PLAC8: variants seen among roughly 807,000 people sequenced by gnomAD.
The protein encoded by PLAC8 is placenta-specific gene 8 protein.
In PLAC8, 6 loss-of-function variants were observed where a neutral mutation model predicts 12.6. The observed-to-expected ratio is 0.48, with a 90% CI of 0.26 to 0.94. The LOEUF (loss-of-function observed/expected upper bound fraction) is 0.94. Among genes scored for constraint, PLAC8 ranks in the 40% least tolerant of loss-of-function variants. The pLI, the probability that PLAC8 is intolerant of heterozygous loss-of-function variation, is 0.14. For missense variants in PLAC8, 122 were observed against 152.7 expected, an observed-to-expected ratio of 0.80 and a Z score of 1.06; for synonymous variants, 54 against 52.6, an observed-to-expected ratio of 1.03 and a Z score of -0.11.
At chr4:83,112,714 T>G (rs1732451269) in intron 1 of PLAC8, among the ~76,000 whole-genome samples, 1 of 152,372 alleles carries the variant, frequency 6.6e-6, no homozygotes, top group Middle Eastern at 3.4e-3. Context: ...CACACTCATT[T>G]GTACGCGCCT....
At position 83,102,466 on chromosome 4, in the gene PLAC8, G is replaced by A. The variant is rs536176852; in HGVS notation, c.243+2430C>T. Among the ~76,000 whole-genome samples, 4 of 152,328 alleles carry A rather than the reference G, an allele frequency of 2.6e-5. No individual in the cohort carries two copies. In the South Asian group the frequency reaches 8.3e-4, roughly 32 times the overall value. Reference sequence around the variant, plus strand: ...AGGTGGGAGAATTGCTTGAACCTGGGAGGGGAAGGCTGCAGTGAGCCGAGA... The same window carrying A: ...AGGTGGGAGAATTGCTTGAACCTGGAAGGGGAAGGCTGCAGTGAGCCGAGA... On this transcript the variant is annotated intron_variant, in intron 3 of 4. Transcript: ENST00000311507.
At chr4:83,100,430 C>T (rs1415111519) in intron 3 of PLAC8, among the ~76,000 whole-genome samples, 1 of 152,102 alleles carries the variant, frequency 6.6e-6, no homozygotes, top group Non-Finnish European at 1.5e-5. Flanking sequence ...CCTGTACAGC[C>T]TGTGGAACCA....
chr4:83,099,559 T>A (rs1276512777), intron 3 of PLAC8, among the ~76,000 whole-genome samples: 2 of 152,180 alleles, frequency 1.3e-5, no homozygotes, highest in Non-Finnish European at 2.9e-5. Flanking sequence ...TTGGATGTTG[T>A]CCCCACCCAA....
rs144919327 is a variant in PLAC8, at chr4:83,102,809, G to A, written c.243+2087C>T. On this transcript the variant is annotated intron_variant, in intron 3 of 4. Transcript: ENST00000311507. ...GAGCAAAGAAAGCTGTTTCTTGGCC[G>A]GGCGCGGTGGCTCACGCCTGTAATC... is the stretch of plus-strand genomic sequence containing the variant. Among the ~76,000 whole-genome samples, 43 of 152,300 alleles carry A rather than the reference G, an allele frequency of 2.8e-4. No homozygotes were observed. The East Asian group carries it at 8.3e-3, about 29-fold the overall frequency.
At chr4:83,107,986 T>A (rs1236271019) in intron 1 of PLAC8, 36 bp from the exon 2 acceptor site, 27 of 93,498 alleles carry the variant, frequency 2.9e-4, no homozygotes, top group Middle Eastern at 1.8e-3. Flanking sequence ...ATCTCTGTTG[T>A]GGGGTGGGGG....
chr4:83,100,918 G>A (rs930726526), intron 3 of PLAC8, among the ~76,000 whole-genome samples: 9 of 152,294 alleles, frequency 5.9e-5, no homozygotes, highest in African/African-American at 2.2e-4. Context: ...TGCTACTCCG[G>A]TGAACATAAA....
chr4:83,101,536 T>C (rs572068064), intron 3 of PLAC8, among the ~76,000 whole-genome samples: 24 of 152,344 alleles, frequency 1.6e-4, no homozygotes, highest in Non-Finnish European at 2.5e-4. Flanking sequence ...GTGTGGCAAG[T>C]TATCCAGAAG....
chr4:83,107,131 C>T (rs1732261317), intron 2 of PLAC8, among the ~76,000 whole-genome samples: 1 of 149,728 alleles, frequency 6.7e-6, no homozygotes, highest in African/African-American at 2.5e-5. Context: ...ACCTGGGAGG[C>T]GGAGGTTGCA....
intron 3 of PLAC8, among the ~76,000 whole-genome samples, chr4:83,098,694 A>G (rs1732006962): frequency 6.6e-6 from 1 of 151,866 alleles, no homozygotes; most frequent in South Asian, 2.1e-4. Context: ...ATCTTCATTG[A>G]GTCTTGTTTG....
chr4:83,105,995 TTTTTA>T (rs903543028), intron 2 of PLAC8, among the ~76,000 whole-genome samples: 7 of 152,098 alleles, frequency 4.6e-5, no homozygotes, highest in Admixed American at 2.0e-4. Flanking sequence ...TCTTTTTTTA[TTTTTA>T]TTTTATTTTA....
In PLAC8 at chr4:83,104,876, T is replaced by C. The variant is rs1297070443; in HGVS notation, c.243+20A>G. 1 of 1,612,766 alleles carries C rather than the reference T, an allele frequency of 6.2e-7. No individual in the cohort carries two copies. The highest frequency in any genetic ancestry group is 8.5e-7 in the Non-Finnish European group (1 of 1,178,996). On this transcript the variant is annotated intron_variant, in intron 3 of 4. Coordinates refer to ENST00000311507, the MANE Select transcript of PLAC8 (RefSeq NM_016619.3). ...GAATGGGGTGCATATTTGAGTGAGA[T>C]GGTATGGTAAGAGACTCACAGGGAT...
At chr4:83,107,391 T>C (rs1036830458) in intron 2 of PLAC8, among the ~76,000 whole-genome samples, 6 of 152,024 alleles carry the variant, frequency 3.9e-5, no homozygotes, top group African/African-American at 1.4e-4. Flanking sequence ...CTGGACACAA[T>C]GTAACTATAA....
intron 1 of PLAC8, among the ~76,000 whole-genome samples, chr4:83,108,932 A>T (rs1336990630): frequency 6.6e-6 from 1 of 151,848 alleles, no homozygotes; most frequent in Non-Finnish European, 1.5e-5. Context: ...CTTCATATTT[A>T]CTGGGAGCCT....
At chr4:83,114,136 A>G (rs1431105880) in intron 1 of PLAC8, among the ~76,000 whole-genome samples, 1 of 152,084 alleles carries the variant, frequency 6.6e-6, no homozygotes, top group Non-Finnish European at 1.5e-5. Context: ...ATACATATAA[A>G]TGAAGCACCA....
intron 1 of PLAC8, among the ~76,000 whole-genome samples, chr4:83,109,522 ACG>A (rs1406166331): frequency 6.6e-6 from 1 of 152,200 alleles, no homozygotes; most frequent in African/African-American, 2.4e-5. Context: ...GCGGATGTGT[ACG>A]TGGCGGTGGA....
intron 3 of PLAC8, among the ~76,000 whole-genome samples, chr4:83,098,388 C>T (rs1410880529): frequency 1.3e-5 from 2 of 152,076 alleles, no homozygotes; most frequent in African/African-American, 4.8e-5. Context: ...ACAGGGTTTT[C>T]TTAGAAAATG....
intron 1 of PLAC8, among the ~76,000 whole-genome samples, chr4:83,108,672 G>C (rs1356241144): frequency 6.6e-6 from 1 of 152,230 alleles, no homozygotes; most frequent in Non-Finnish European, 1.5e-5. Flanking sequence ...GGGTAAGGGA[G>C]CTGAAGAGTG....
At position 83,097,652 on chromosome 4, in the gene PLAC8, CT is replaced by C. The variant is rs371898093; in HGVS notation, c.244-2862del. Among the ~76,000 whole-genome samples the C allele has an allele frequency of 1.3e-3, 200 of 152,222 alleles. 1 individual carries two copies. Among genetic ancestry groups the C allele is most frequent in the African/African-American group, 4.1e-3 (170 of 41,534 alleles). On this transcript the variant is annotated intron_variant, in intron 3 of 4. Transcript: ENST00000311507. ...CTGTCTAATGTCCTAGGCTCCACCC[CT>C]AATACATAATTAAAATATCTTACTT... is the stretch of plus-strand genomic sequence containing the variant.
intron 1 of PLAC8, among the ~76,000 whole-genome samples, chr4:83,112,813 C>T (rs1386250419): frequency 2.0e-5 from 3 of 152,218 alleles, no homozygotes; most frequent in Non-Finnish European, 4.4e-5. Flanking sequence ...GTTCAAACAA[C>T]CACAATTCTC....
Sources: allele counts gnomAD v4.1 joint callset (sites outside exome capture counted in the v4.1 genomes callset), GRCh38; gene constraint gnomAD v4.1.1; transcripts MANE v1.5; gene names NCBI Gene and HGNC (gene_info 2026-07-23, HGNC 2026-07-21).